CFAP70: variants seen among roughly 807,000 people sequenced by gnomAD.
CFAP70 encodes the protein cilia and flagella associated protein 70.
Under a neutral mutation model 137.6 loss-of-function variants are expected in CFAP70, and 81 were observed. That is an observed-to-expected ratio of 0.59 (90% CI 0.49 to 0.71). The LOEUF is 0.71. Among genes scored for constraint, CFAP70 ranks in the 30% least tolerant of loss-of-function variants. The probability of loss-of-function intolerance (pLI) is 0.00; values close to 1 mark genes in which losing one functional copy is unlikely to be tolerated. For missense variants in CFAP70, 976 were observed against 1,226.7 expected (o/e 0.80, Z 3.05); for synonymous variants, 382 against 423.6 (o/e 0.90, Z 1.20).
At chr10:73,311,960 C>G (rs2049956055) in intron 10 of CFAP70, 46 bp from the exon 12 acceptor site, 2 of 1,384,854 alleles carry the variant, frequency 1.4e-6, no homozygotes, top group African/African-American at 2.9e-5. Context: ...CCTACACAGT[C>G]TTCATAGTGA....
intron 10 of CFAP70, 35 bp from the exon 12 acceptor site, chr10:73,311,949 T>G (rs755979472): frequency 6.8e-7 from 1 of 1,465,434 alleles, no homozygotes; most frequent in Non-Finnish European, 9.6e-7. Flanking sequence ...AAAATTGAAT[T>G]CCTACACAGT....
chr10:73,317,366 C>T (rs138312053), intron 9 of CFAP70, among the ~76,000 whole-genome samples: 125 of 152,252 alleles, frequency 8.2e-4, no homozygotes, highest in African/African-American at 2.9e-3. Context: ...GTTTTTCTTT[C>T]AGAATTTTGC....
intron 25 of CFAP70, among the ~76,000 whole-genome samples, chr10:73,266,676 C>T (rs1293176451): frequency 6.6e-6 from 1 of 151,972 alleles, no homozygotes; most frequent in Non-Finnish European, 1.5e-5. Flanking sequence ...TAATTTTAGC[C>T]AATGATTTAG....
chr10:73,272,813 C>T (rs1182508540), intron 24 of CFAP70, 115 bp downstream of exon 25: 3 of 875,912 alleles, frequency 3.4e-6, no homozygotes, highest in Non-Finnish European at 5.7e-6. Context: ...TTCATTACAG[C>T]AGACAGCCCT....
At chr10:73,300,621 G>A (rs148453890) in intron 12 of CFAP70, among the ~76,000 whole-genome samples, 2 of 152,222 alleles carry the variant, frequency 1.3e-5, no homozygotes, top group Admixed American at 1.3e-4. Flanking sequence ...CTAGCACTTC[G>A]AGAGGCCGAG....
intron 3 of CFAP70, among the ~76,000 whole-genome samples, chr10:73,353,263 CA>C (rs2132545464): frequency 6.6e-6 from 1 of 152,224 alleles, no homozygotes; most frequent in Admixed American, 6.5e-5. Flanking sequence ...ATTCCCCCAT[CA>C]ACAACAGCCA....
intron 24 of CFAP70, among the ~76,000 whole-genome samples, chr10:73,270,529 C>T (rs181017830): frequency 1.1e-4 from 7 of 61,632 alleles, no homozygotes; most frequent in Admixed American, 1.6e-4. Flanking sequence ...CCCTCCCCCT[C>T]CCCTCCCCTC....
Position 73,274,758 on chromosome 10 carries a change from A to G in CFAP70, c.2674-164T>C, listed in dbSNP as rs539303170. On this transcript the variant is annotated intron_variant, in intron 22 of 26. Transcript: ENST00000310715. ...TCTAAGAGCACTCAGAAACATAACCATTTAATTGTACAAGGAGACATTTTT... is the reference window on the plus strand; with the variant it reads ...TCTAAGAGCACTCAGAAACATAACCGTTTAATTGTACAAGGAGACATTTTT... The G allele has an allele frequency of 5.7e-3, 3,784 of 662,928 alleles. 23 individuals carry two copies. The highest frequency in any genetic ancestry group is 7.8e-3 in the Non-Finnish European group (3,165 of 406,994). 41.1% of individuals were successfully genotyped at this position (662,928 alleles called of 1,614,324 possible). A position where few individuals can be genotyped will look rare whatever the true frequency, so the allele number is the denominator to read the frequency against.
intron 26 of CFAP70, among the ~76,000 whole-genome samples, chr10:73,255,300 G>A (rs935760509): frequency 3.3e-5 from 5 of 152,170 alleles, no homozygotes; most frequent in Non-Finnish European, 5.9e-5. Context: ...GGAGGCTGAA[G>A]CGGAGAATGG....
chr10:73,277,802 G>T (rs534049133), intron 20 of CFAP70, among the ~76,000 whole-genome samples: 2 of 152,138 alleles, frequency 1.3e-5, no homozygotes, highest in East Asian at 3.9e-4. Flanking sequence ...GAAAGCAATT[G>T]ACTGCTCTCT....
intron 4 of CFAP70, among the ~76,000 whole-genome samples, chr10:73,346,111 C>A (rs1342527772): frequency 1.3e-5 from 2 of 151,618 alleles, no homozygotes; most frequent in Non-Finnish European, 2.9e-5. Flanking sequence ...ATTGGCCAGG[C>A]TGGTCTCAAA....
At chr10:73,267,061 T>C (rs969487042) in intron 25 of CFAP70, among the ~76,000 whole-genome samples, 1 of 152,232 alleles carries the variant, frequency 6.6e-6, no homozygotes, top group Non-Finnish European at 1.5e-5. Flanking sequence ...AATTCTAATA[T>C]ATATTGGCTT....
intron 12 of CFAP70, 99 bp from the exon 14 acceptor site, chr10:73,299,764 G>A: frequency 1.1e-6 from 1 of 899,538 alleles, no homozygotes; most frequent in Non-Finnish European, 1.6e-6. Flanking sequence ...CTGGGTGGGG[G>A]AGATCTGAGG....
chr10:73,355,359 A>G (rs7097119), intron 1 of CFAP70, among the ~76,000 whole-genome samples: 23,261 of 152,104 alleles, frequency 0.15, 2,888 homozygotes, highest in African/African-American at 0.32. Flanking sequence ...TAGGTTGTGC[A>G]CTCCTTATAA....
At chr10:73,315,644 T>C (rs1323353710) in intron 9 of CFAP70, among the ~76,000 whole-genome samples, 1 of 152,188 alleles carries the variant, frequency 6.6e-6, no homozygotes, top group African/African-American at 2.4e-5. Context: ...CATTGCAGCC[T>C]TGATTGCCTG....
At chr10:73,309,627 ATACTTTCTTGTTCATCCGTATT>A (rs1408469969) in intron 12 of CFAP70, among the ~76,000 whole-genome samples, 1 of 147,442 alleles carries the variant, frequency 6.8e-6, no homozygotes, top group Non-Finnish European at 1.5e-5. Context: ...GTATTTTTAT[ATACTTTCTTGTTCATCCGTATT>A]TCCTAAGAAT....
intron 25 of CFAP70, among the ~76,000 whole-genome samples, chr10:73,260,907 T>G (rs1246569880): frequency 2.0e-5 from 3 of 152,240 alleles, no homozygotes; most frequent in Non-Finnish European, 4.4e-5. Flanking sequence ...AATGCTGTGA[T>G]AAAAGTTCAT....
exon 20 of CFAP70, chr10:73,278,327 A>T: frequency 9.9e-6 from 16 of 1,613,504 alleles, no homozygotes; most frequent in Non-Finnish European, 1.4e-5. Context: ...TAGATAATGC[A>T]GCTCCTGGTC....
At chr10:73,256,081 A>G (rs1348374433) in intron 26 of CFAP70, among the ~76,000 whole-genome samples, 1 of 152,210 alleles carries the variant, frequency 6.6e-6, no homozygotes, top group Admixed American at 6.5e-5. Flanking sequence ...TTATTAACAC[A>G]GTAAGTTAAT....
Sources: allele counts gnomAD v4.1 joint callset (sites outside exome capture counted in the v4.1 genomes callset), GRCh38; gene constraint gnomAD v4.1.1; transcripts MANE v1.5; gene names NCBI Gene and HGNC (gene_info 2026-07-23, HGNC 2026-07-21).